The following ADGRG1 variants were observed in gnomAD, a reference collection of about 807,000 sequenced individuals.
ADGRG1 encodes the protein 7-transmembrane protein with no EGF-like N-terminal domains-1.
Under a neutral mutation model 73.5 loss-of-function variants are expected in ADGRG1, and 53 were observed. The observed-to-expected ratio is 0.72, with a 90% CI of 0.58 to 0.91. The LOEUF is 0.91. ADGRG1 is among the 40% of genes least tolerant of loss of function. The pLI, the probability that ADGRG1 is intolerant of heterozygous loss-of-function variation, is 0.00. For missense variants in ADGRG1, 795 were observed against 871.8 expected (o/e 0.91, Z 1.11); for synonymous variants, 394 against 374.4 (o/e 1.05, Z -0.60).
At chr16:57,656,689 A>C (rs1380913525) in intron 9 of ADGRG1, 72 bp downstream of exon 9, 2 of 904,306 alleles carry the variant, frequency 2.2e-6, no homozygotes, top group African/African-American at 3.3e-5. Flanking sequence ...CACTTTTCAT[A>C]TATTCAGTCA....
chr16:57,632,466 C>CA, intron 1 of ADGRG1: 10 of 364,980 alleles, frequency 2.7e-5, no homozygotes, highest in Non-Finnish European at 3.4e-5. Flanking sequence ...TGGGAAAGTG[C>CA]CTTTCCCATA....
At chr16:57,663,419 C>A (rs778206927) in intron 13 of ADGRG1, 33 bp from the exon 14 acceptor site, 12 of 1,612,538 alleles carry the variant, frequency 7.4e-6, no homozygotes, top group African/African-American at 1.3e-5. Context: ...GGGGCTCCCC[C>A]ACCTGCTGAC....
At chr16:57,642,943 C>T (rs1270363766) in intron 1 of ADGRG1, 2 of 152,252 alleles carry the variant, frequency 1.3e-5, no homozygotes, top group African/African-American at 2.4e-5. Context: ...CATAGGGTTA[C>T]TGTGAGGATT....
chr16:57,634,904 C>T (rs934333887), intron 1 of ADGRG1: 2 of 962,418 alleles, frequency 2.1e-6, no homozygotes, highest in South Asian at 9.6e-5. Flanking sequence ...ATCTAGAAAC[C>T]CTCTTCATAG....
chr16:57,660,453 T>A lies in ADGRG1; in HGVS notation c.1556-315T>A, dbSNP rs2046811647. The A allele has an allele frequency of 3.4e-6, 3 of 894,346 alleles. No homozygotes were observed. The South Asian group carries it at 1.5e-4, about 46-fold the overall frequency. 55.4% of individuals were successfully genotyped at this position (894,346 alleles called of 1,614,324 possible). A position where few individuals can be genotyped will look rare whatever the true frequency, so the allele number is the denominator to read the frequency against. ...AGAACTCTTGCCGTCCCTCCTAAAC[T>A]GTCTGCCCCTCCCATCTCCCCTGTG... On this transcript the variant is annotated intron_variant, in intron 11 of 13. Transcript: ENST00000562631.
chr16:57,632,352 C>T (rs2038186975), intron 1 of ADGRG1: 2 of 980,884 alleles, frequency 2.0e-6, no homozygotes, highest in Admixed American at 6.1e-5. Context: ...GTTGTGGGAA[C>T]ATGGGCCTGT....
At chr16:57,630,903 C>T (rs549987991) in intron 1 of ADGRG1, 9 of 943,408 alleles carry the variant, frequency 9.5e-6, no homozygotes, top group African/African-American at 3.5e-5. Flanking sequence ...AGGGTGATAC[C>T]GGACCCCTGG....
upstream of ADGRG1, chr16:57,626,552 G>A (rs73548793): frequency 7.6e-3 from 7,448 of 981,686 alleles, 342 homozygotes; most frequent in African/African-American, 0.11. Flanking sequence ...GAGAGAGGCA[G>A]GCAGAGCTGG....
rs112775979 is a variant in ADGRG1 at position 57,650,277 on chromosome 16, G to C, written c.-11G>C. 6.2e-7 allele frequency: 1 copy of C among 1,612,388 alleles called. No homozygotes were observed. Among genetic ancestry groups the C allele is most frequent in the African/African-American group, 1.3e-5 (1 of 74,884 alleles). ...GGTGGTGACTTCCAAGAGTGACTCC[G>C]TCGGAGGAAAATGACTCCCCAGTCG... On this transcript the variant is annotated 5_prime_UTR_variant, in exon 2 of 14. Coordinates refer to ENST00000562631, the MANE Select transcript of ADGRG1 (RefSeq NM_201525.4).
intron 1 of ADGRG1, chr16:57,637,805 G>A: frequency 4.8e-6 from 3 of 625,298 alleles, no homozygotes; most frequent in Non-Finnish European, 4.0e-6. Context: ...CTTTCCCATG[G>A]CCTCTGCCAG....
In ADGRG1 at chr16:57,651,259, C is replaced by T; in HGVS notation, c.124C>T (p.His42Tyr). Reference protein sequence around the residue: ...FRFCSQRNQTHRSSLHYKPTP... With the variant: ...FRFCSQRNQTYRSSLHYKPTP... Reference sequence around the variant, plus strand: ...CTTCTGCAGCCAGCGGAACCAGACACACAGGAGCAGCCTCCACTACAAACC... The same window carrying T: ...CTTCTGCAGCCAGCGGAACCAGACATACAGGAGCAGCCTCCACTACAAACC... The change falls in exon 3 of 14, where the codon CAC becomes TAC. Residue 42 changes from histidine (H) to tyrosine (Y), a missense_variant. Physicochemically the swap from His to Tyr is moderately conservative, Grantham distance 83 (BLOSUM62 2). Transcript: ENST00000562631. The T allele has an allele frequency of 3.1e-6, 5 of 1,614,224 alleles. No homozygotes were observed. The highest frequency in any genetic ancestry group is 1.1e-5 in the South Asian group (1 of 91,080).
At chr16:57,641,274 C>T (rs1240093725) in intron 1 of ADGRG1, 1 of 984,854 alleles carries the variant, frequency 1.0e-6, no homozygotes, top group Non-Finnish European at 1.2e-6. Context: ...GCCACCCCTG[C>T]TCTAGGCATG....
At chr16:57,651,143 C>T (rs752818706) in intron 2 of ADGRG1, 57 bp from the exon 3 acceptor site, 4 of 1,610,714 alleles carry the variant, frequency 2.5e-6, no homozygotes, top group Non-Finnish European at 3.4e-6. Context: ...CTGTCCCCTT[C>T]CATGCCTCTG....
At position 57,652,005 on chromosome 16, in the gene ADGRG1, C is replaced by A. The variant is rs1427982794; in HGVS notation, c.487+383C>A. On this transcript the variant is annotated intron_variant, in intron 3 of 13. Transcript: ENST00000562631. The stretch of plus-strand genomic sequence containing the variant: ...AGCCCCAGGAAGAATTCTTCCTCAG[C>A]ATCAGTGTAGACTGTTTATTTCCTT... 11 of 1,206,762 alleles carry A rather than the reference C, an allele frequency of 9.1e-6. No individual in the cohort carries two copies. The Admixed American group carries it at 4.0e-4, about 44-fold the overall frequency. The allele number at this position is 1,206,762 out of a possible 1,614,324, so 74.8% of individuals were successfully genotyped here. A position where few individuals can be genotyped will look rare whatever the true frequency, so the allele number is the denominator to read the frequency against.
chr16:57,627,512 A>G (rs1290753925), upstream of ADGRG1, among the ~76,000 whole-genome samples: 2 of 152,218 alleles, frequency 1.3e-5, no homozygotes, highest in Non-Finnish European at 2.9e-5. Flanking sequence ...CCTCTTCTTC[A>G]TCACCACATT....
intron 1 of ADGRG1, chr16:57,648,792 G>T (rs905249796): frequency 4.2e-5 from 34 of 816,678 alleles, no homozygotes; most frequent in Non-Finnish European, 5.0e-5. Context: ...CCACAGGGCC[G>T]GCTGGCCATA....
intron 1 of ADGRG1, chr16:57,631,364 G>T: frequency 1.0e-6 from 1 of 986,096 alleles, no homozygotes. Flanking sequence ...CAGAAGCTGT[G>T]TGCAGGTGGG....
intron 2 of ADGRG1, 114 bp downstream of exon 2, chr16:57,650,465 G>C: frequency 6.3e-7 from 1 of 1,585,702 alleles, no homozygotes; most frequent in African/African-American, 1.3e-5. Context: ...AGCTCGGCTA[G>C]TGGAGGGTAC....
intron 1 of ADGRG1, chr16:57,636,067 C>T: frequency 2.0e-6 from 2 of 985,388 alleles, no homozygotes; most frequent in East Asian, 1.1e-4. Context: ...TGCCCTTTCT[C>T]CTCCTTGCTT....
Sources: allele counts gnomAD v4.1 joint callset (sites outside exome capture counted in the v4.1 genomes callset), GRCh38; gene constraint gnomAD v4.1.1; transcripts MANE v1.5; gene names NCBI Gene and HGNC (gene_info 2026-07-23, HGNC 2026-07-21).